TMPRSS15: variants seen among roughly 807,000 people sequenced by gnomAD.
TMPRSS15 encodes the protein enteropeptidase.
Under a neutral mutation model 125.3 loss-of-function variants are expected in TMPRSS15, and 128 were observed. That is an observed-to-expected ratio of 1.02 (90% CI 0.89 to 1.18). The LOEUF is 1.18. TMPRSS15 is among the 50% of genes most tolerant of loss of function. TMPRSS15 has a pLI of 0.00. For synonymous variants in TMPRSS15, 446 were observed against 423.2 expected (o/e 1.05, Z -0.66); for missense variants, 1,283 against 1,212.7 (o/e 1.06, Z -0.86).
chr21:18,483,578 C>T (rs1006597393), intron 1 of TMPRSS15, among the ~76,000 whole-genome samples: 4 of 151,634 alleles, frequency 2.6e-5, no homozygotes, highest in Non-Finnish European at 4.4e-5. Context: ...ATACAAGCCT[C>T]GATTAGAGAT....
intron 1 of TMPRSS15, among the ~76,000 whole-genome samples, chr21:18,457,977 T>C (rs1376699822): frequency 2.0e-5 from 3 of 152,148 alleles, no homozygotes; most frequent in Non-Finnish European, 4.4e-5. Context: ...TTATACCCTT[T>C]AGTAAGAAAG....
intron 24 of TMPRSS15, among the ~76,000 whole-genome samples, chr21:18,271,026 C>T (rs1210479501): frequency 6.6e-6 from 1 of 152,024 alleles, no homozygotes; most frequent in Admixed American, 6.6e-5. Flanking sequence ...TTGTCTGATC[C>T]TTTTTATCAT....
rs1458262926 is a variant in TMPRSS15 at position 18,433,883 on chromosome 21, TCTGTC to T, written c.11-35559_11-35555del. Among the ~76,000 whole-genome samples the T allele has an allele frequency of 7.9e-5, 12 of 152,084 alleles. No homozygotes were observed. The South Asian group carries it at 1.9e-3, about 24-fold the overall frequency. On this transcript the variant is annotated intron_variant, in intron 1 of 7. Transcript: ENST00000422787. The stretch of plus-strand genomic sequence containing the variant: ...TCTTATTTTGAAAAGTTGAAAAATA[TCTGTC>T]CTTCAGTTTCTGGAATTTGTCCAGT...
In TMPRSS15 at chr21:18,269,177, A is replaced by ATAAG. The variant is rs1426696310; in HGVS notation, c.*788_*791dup. 6.6e-6 allele frequency: 1 copy of ATAAG among 152,144 alleles called. No homozygotes were observed. Among genetic ancestry groups the ATAAG allele is most frequent in the African/African-American group, 2.4e-5 (1 of 41,406 alleles). 9.4% of individuals were successfully genotyped at this position (152,144 alleles called of 1,614,324 possible). Reference sequence around the variant, plus strand: ...TCATGGGTGATTCAGCTGTGTCTAAATAAGTTTTCATATATTAGAAATATC... The same window carrying ATAAG: ...TCATGGGTGATTCAGCTGTGTCTAAATAAGTAAGTTTTCATATATTAGAAATATC... On this transcript the variant is annotated 3_prime_UTR_variant, in exon 25 of 25. Transcript: ENST00000284885.
chr21:18,280,042 T>C (rs2074672743), intron 22 of TMPRSS15, among the ~76,000 whole-genome samples: 2 of 152,166 alleles, frequency 1.3e-5, no homozygotes, highest in African/African-American at 4.8e-5. Context: ...ACCGTAGCAA[T>C]AGTCTGCTTT....
intron 6 of TMPRSS15, among the ~76,000 whole-genome samples, chr21:18,370,770 T>C (rs1360122900): frequency 6.6e-6 from 1 of 152,098 alleles, no homozygotes; most frequent in Non-Finnish European, 1.5e-5. Flanking sequence ...TTTCATTGAG[T>C]TGGTACCGGG....
intron 23 of TMPRSS15, among the ~76,000 whole-genome samples, chr21:18,276,081 G>A (rs531769515): frequency 5.9e-5 from 9 of 152,270 alleles, no homozygotes; most frequent in South Asian, 2.1e-4. Flanking sequence ...GAGGCAGAAC[G>A]TTGAAGAGAA....
chr21:18,333,112 A>G (rs1601348026), intron 13 of TMPRSS15, among the ~76,000 whole-genome samples: 1 of 152,144 alleles, frequency 6.6e-6, no homozygotes, highest in Non-Finnish European at 1.5e-5. Flanking sequence ...GAGTGGTAGG[A>G]GGGAGGGGAA....
intron 6 of TMPRSS15, among the ~76,000 whole-genome samples, chr21:18,368,776 T>C (rs1055843604): frequency 6.6e-6 from 1 of 152,204 alleles, no homozygotes; most frequent in African/African-American, 2.4e-5. Context: ...ATTCCTGCAT[T>C]CAAGCAAATA....
At position 18,326,541 on chromosome 21, in the gene TMPRSS15, A is replaced by C; in HGVS notation, c.1812T>G (p.Asp604Glu). Reference sequence around the variant, plus strand: ...TCATTCTGTTGGTGGTAGAGAACACATCCTTTACTGGGCCAGGCCCTGTGT... The same window carrying C: ...TCATTCTGTTGGTGGTAGAGAACACCTCCTTTACTGGGCCAGGCCCTGTGT... ...AVYTGPGPVKDVFSTTNRMTV... is the reference protein window; with the variant it reads ...AVYTGPGPVKEVFSTTNRMTV... Residue 604 changes from aspartate (D) to glutamate (E), a missense_variant, in exon 16 of 25, where the codon GAT (aspartate) becomes GAG (glutamate). Physicochemically the swap from Asp to Glu is conservative, Grantham distance 45. Coordinates refer to ENST00000284885, the MANE Select transcript of TMPRSS15 (RefSeq NM_002772.3). 1.2e-6 allele frequency: 2 copies of C among 1,614,122 alleles called. No homozygotes were observed. Among genetic ancestry groups the C allele is most frequent in the Non-Finnish European group, 1.7e-6 (2 of 1,179,982 alleles).
At chr21:18,303,700 T>G (rs1393245875) in intron 18 of TMPRSS15, among the ~76,000 whole-genome samples, 2 of 152,184 alleles carry the variant, frequency 1.3e-5, no homozygotes, top group African/African-American at 4.8e-5. Flanking sequence ...TATAACAAAA[T>G]AAATACCTAT....
At chr21:18,432,164 T>C (rs2076217471) in intron 1 of TMPRSS15, among the ~76,000 whole-genome samples, 1 of 152,184 alleles carries the variant, frequency 6.6e-6, no homozygotes, top group Non-Finnish European at 1.5e-5. Flanking sequence ...TTCTGGATTA[T>C]CATTTCCTCC....
At chr21:18,436,715 TAGGAA>T (rs966991939) in intron 1 of TMPRSS15, among the ~76,000 whole-genome samples, 3 of 149,770 alleles carry the variant, frequency 2.0e-5, no homozygotes, top group Non-Finnish European at 4.4e-5. Context: ...ATAAAATACC[TAGGAA>T]TCCACCTTAC....
At chr21:18,321,345 CCTT>C (rs763293354) in intron 16 of TMPRSS15, among the ~76,000 whole-genome samples, 4 of 125,384 alleles carry the variant, frequency 3.2e-5, no homozygotes, top group South Asian at 2.6e-4. Flanking sequence ...CGATTTTTTT[CCTT>C]CTTTTTTTTT....
At chr21:18,372,472 A>G in intron 5 of TMPRSS15, 148 bp from the exon 6 acceptor site, 1 of 789,266 alleles carries the variant, frequency 1.3e-6, no homozygotes, top group Non-Finnish European at 2.0e-6. Context: ...CAAATCAATC[A>G]TTTGTAAAAT....
intron 15 of TMPRSS15, among the ~76,000 whole-genome samples, chr21:18,327,336 T>G (rs901721937): frequency 1.3e-5 from 2 of 152,222 alleles, no homozygotes; most frequent in Admixed American, 6.5e-5. Flanking sequence ...ATTTGAAGAA[T>G]AATTTGATCT....
chr21:18,330,019 A>C (rs1035649349), intron 14 of TMPRSS15, among the ~76,000 whole-genome samples: 1 of 152,142 alleles, frequency 6.6e-6, no homozygotes, highest in Non-Finnish European at 1.5e-5. Context: ...CAAATCCAAC[A>C]TGTTCTAAAG....
At chr21:18,365,659 C>T (rs2075726499) in intron 6 of TMPRSS15, among the ~76,000 whole-genome samples, 2 of 114,768 alleles carry the variant, frequency 1.7e-5, no homozygotes, top group African/African-American at 3.7e-5. Flanking sequence ...CCCTTCCTTC[C>T]TTCCTTCCTT....
At chr21:18,378,637 A>C (rs1272758503) in intron 5 of TMPRSS15, among the ~76,000 whole-genome samples, 3 of 152,098 alleles carry the variant, frequency 2.0e-5, no homozygotes, top group Admixed American at 1.3e-4. Flanking sequence ...GAAGATCTAC[A>C]ATATTGCCTT....
Sources: allele counts gnomAD v4.1 joint callset (sites outside exome capture counted in the v4.1 genomes callset), GRCh38; gene constraint gnomAD v4.1.1; transcripts MANE v1.5; gene names NCBI Gene and HGNC (gene_info 2026-07-23, HGNC 2026-07-21).